PODXL: variants seen among roughly 807,000 people sequenced by gnomAD.
The protein encoded by PODXL is podocalyxin like.
In PODXL, 20 loss-of-function variants were observed where a neutral mutation model predicts 48.9. The observed-to-expected ratio is 0.41, with a 90% confidence interval of 0.29 to 0.59. The LOEUF is 0.59. Ranked by LOEUF, PODXL falls within the 20% of genes least tolerant of loss-of-function variation. PODXL has a pLI of 0.31. For synonymous variants in PODXL, 295 were observed against 287.4 expected (o/e 1.03, Z -0.27); for missense variants, 606 against 675.1 (o/e 0.90, Z 1.13).
rs527958576 is a variant in PODXL at position 131,546,491 on chromosome 7, T to C, written c.100+9769A>G. Among the ~76,000 whole-genome samples, 126 of 152,138 alleles carry C rather than the reference T, an allele frequency of 8.3e-4. No individual in the cohort carries two copies. In the East Asian group the frequency reaches 0.024, roughly 28 times the overall value. On this transcript the variant is annotated intron_variant, in intron 1 of 8. Transcript: ENST00000378555. ...CTGTAATTCCAGCACTTTGGGAGGC[T>C]GAGGCGGGCGGATCACTTGAGGCCG...
rs1359179967 is a variant in PODXL, at chr7:131,509,521, G to A, written c.867C>T (p.Ala289=). The part of the protein sequence containing the change: ...TSSQMPASST[A]PSSQETVQPT... Reference sequence around the variant, plus strand: ...GCTGCACTGTCTCCTGGGAGGAAGGGGCCGTAGAGCTGGCTGGCATCTGAC... The same window carrying A: ...GCTGCACTGTCTCCTGGGAGGAAGGAGCCGTAGAGCTGGCTGGCATCTGAC... Residue 289 remains alanine, a synonymous_variant, in exon 4 of 9, where the codon GCC becomes GCT. Coordinates refer to ENST00000378555, the MANE Select transcript of PODXL (RefSeq NM_001018111.3). 2 of 1,607,734 alleles carry A rather than the reference G, an allele frequency of 1.2e-6. No homozygotes were observed. Among genetic ancestry groups the A allele is most frequent in the African/African-American group, 2.7e-5 (2 of 74,706 alleles).
chr7:131,554,140 C>T (rs1336174465), intron 1 of PODXL, among the ~76,000 whole-genome samples: 4 of 152,086 alleles, frequency 2.6e-5, no homozygotes, highest in Admixed American at 6.6e-5. Flanking sequence ...ATGCTATTCC[C>T]GATGACAGCA....
chr7:131,500,718 A>G lies in PODXL; in HGVS notation c.*3593T>C, dbSNP rs900309513. 3 of 152,268 alleles carry G rather than the reference A, an allele frequency of 2.0e-5. No individual in the cohort carries two copies. The highest frequency in any genetic ancestry group is 7.2e-5 in the African/African-American group (3 of 41,468). 9.4% of individuals were successfully genotyped at this position (152,268 alleles called of 1,614,324 possible). A position where few individuals can be genotyped will look rare whatever the true frequency, so the allele number is the denominator to read the frequency against. The stretch of plus-strand genomic sequence containing the variant: ...TCTTAAACCTAAATGATTCAGAGAA[A>G]GTGTAGAAGACCAGTTCTTATGTTT... On this transcript the variant is annotated 3_prime_UTR_variant, in exon 9 of 9. Transcript: ENST00000378555.
intron 1 of PODXL, among the ~76,000 whole-genome samples, chr7:131,525,051 T>C (rs914939531): frequency 6.6e-6 from 1 of 152,058 alleles, no homozygotes; most frequent in Admixed American, 6.6e-5. Context: ...AGAAAACAGA[T>C]AGGTAGACAC....
chr7:131,509,264 C>A, intron 4 of PODXL, 101 bp downstream of exon 4: 1 of 1,003,034 alleles, frequency 1.0e-6, no homozygotes, highest in Non-Finnish European at 1.6e-6. Context: ...AAAGCCCCAG[C>A]CAGGGGCCCT....
chr7:131,526,100 A>T (rs192474861), intron 1 of PODXL, among the ~76,000 whole-genome samples: 55 of 152,366 alleles, frequency 3.6e-4, no homozygotes, highest in African/African-American at 1.1e-3. Context: ...TTCTACAATG[A>T]AATGAACCAA....
intron 1 of PODXL, among the ~76,000 whole-genome samples, chr7:131,530,726 C>T (rs1562912083): frequency 6.6e-6 from 1 of 150,540 alleles, no homozygotes; most frequent in African/African-American, 2.5e-5. Flanking sequence ...CCACTGCACT[C>T]CAGCCTGGGC....
intron 1 of PODXL, among the ~76,000 whole-genome samples, chr7:131,527,647 A>C (rs929951336): frequency 6.6e-6 from 1 of 152,212 alleles, no homozygotes; most frequent in Non-Finnish European, 1.5e-5. Flanking sequence ...TAGGAAAATG[A>C]GTTTGCATGT....
At chr7:131,513,638 C>CG (rs910075677) in intron 1 of PODXL, among the ~76,000 whole-genome samples, 18 of 152,228 alleles carry the variant, frequency 1.2e-4, no homozygotes, top group Non-Finnish European at 1.6e-4. Context: ...CCAGCCGTGA[C>CG]GGGCTCTGCA....
intron 1 of PODXL, among the ~76,000 whole-genome samples, chr7:131,532,475 TAATCAC>T (rs1250254135): frequency 1.3e-5 from 2 of 148,612 alleles, no homozygotes; most frequent in Non-Finnish European, 3.0e-5. Flanking sequence ...ATAATAATAA[TAATCAC>T]ACGTTCCAGA....
intron 1 of PODXL, among the ~76,000 whole-genome samples, chr7:131,533,997 T>C (rs1157350388): frequency 1.3e-5 from 2 of 152,114 alleles, no homozygotes; most frequent in African/African-American, 2.4e-5. Context: ...GTGCCCGATC[T>C]ATGGCAGCTA....
intron 1 of PODXL, among the ~76,000 whole-genome samples, chr7:131,537,265 T>C (rs1341554797): frequency 2.0e-5 from 3 of 151,840 alleles, no homozygotes; most frequent in African/African-American, 7.3e-5. Context: ...TGAGCCATCA[T>C]TGCAACACTG....
At chr7:131,530,242 G>A (rs1798254227) in intron 1 of PODXL, among the ~76,000 whole-genome samples, 1 of 150,960 alleles carries the variant, frequency 6.6e-6, no homozygotes, top group Non-Finnish European at 1.5e-5. Flanking sequence ...CAGCTGGGCA[G>A]GACAGCGAGG....
rs1427989882 is a variant in PODXL at position 131,505,914 on chromosome 7, G to A, written c.1433C>T (p.Ala478Val). 7 of 1,584,100 alleles carry A rather than the reference G, an allele frequency of 4.4e-6. No homozygotes were observed. Among genetic ancestry groups the A allele is most frequent in the Non-Finnish European group, 6.0e-6 (7 of 1,165,650 alleles). Residue 478 changes from alanine (A) to valine (V), a missense_variant, in exon 8 of 9, where the codon GCC (alanine) becomes GTC (valine). Physicochemically the swap from Ala to Val is moderately conservative, Grantham distance 64. Coordinates refer to ENST00000378555, the MANE Select transcript of PODXL (RefSeq NM_001018111.3). ...GCGCTGGTGGCAGCAGCCATAGAGG[G>A]CCGCCACGAGGAGCAGGAATGATGC... The part of the protein sequence containing the change: ...CMASFLLLVA[A>V]LYGCCHQRLS...
At chr7:131,553,517 G>A (rs901883757) in intron 1 of PODXL, among the ~76,000 whole-genome samples, 8 of 152,156 alleles carry the variant, frequency 5.3e-5, no homozygotes, top group African/African-American at 1.9e-4. Flanking sequence ...ATCCTGAGTT[G>A]GGCGTAAAGC....
In PODXL at chr7:131,514,925, T is replaced by TA. The variant is rs367721044; in HGVS notation, c.101-3493dup. 3.2e-3 allele frequency among the ~76,000 whole-genome samples: 493 copies of TA among 152,260 alleles called. 1 individual carries two copies. Among genetic ancestry groups the TA allele is most frequent in the African/African-American group, 0.011 (466 of 41,542 alleles). On this transcript the variant is annotated intron_variant, in intron 1 of 8. Transcript: ENST00000378555. Reference sequence around the variant, plus strand: ...CACCCAGCCCTGGATGGTTGCTTCTTACAGTGGTGAACAGCTTAAAACAGG... The same window carrying TA: ...CACCCAGCCCTGGATGGTTGCTTCTTAACAGTGGTGAACAGCTTAAAACAGG...
rs1798324065 is a variant in PODXL at position 131,533,865 on chromosome 7, C to T, written c.100+22395G>A. ...CTGTATAACCAGGCAAGAGTCTCGA[C>T]TTAACATAAATGTCTGAATGCTGTT... On this transcript the variant is annotated intron_variant, in intron 1 of 8. Transcript: ENST00000378555. Among the ~76,000 whole-genome samples the T allele has an allele frequency of 2.0e-5, 3 of 152,322 alleles. No individual in the cohort carries two copies. The South Asian group carries it at 6.2e-4, about 32-fold the overall frequency.
chr7:131,535,227 C>T (rs891547300), intron 1 of PODXL, among the ~76,000 whole-genome samples: 55 of 152,076 alleles, frequency 3.6e-4, no homozygotes, highest in South Asian at 4.2e-4. Flanking sequence ...GCTTCAGTGT[C>T]GGAGGATGAA....
At chr7:131,524,174 A>G (rs930808288) in intron 1 of PODXL, among the ~76,000 whole-genome samples, 10 of 152,124 alleles carry the variant, frequency 6.6e-5, no homozygotes, top group Non-Finnish European at 7.3e-5. Flanking sequence ...CAGGAATAGT[A>G]GAGAACTTCC....
Sources: gnomAD v4.1 joint callset for allele counts (sites outside exome capture counted in the v4.1 genomes callset) on GRCh38, gnomAD v4.1.1 for gene constraint, MANE v1.5 for transcripts, NCBI Gene and HGNC (gene_info 2026-07-23, HGNC 2026-07-21) for gene names.